TRIP4: variants seen among roughly 807,000 people sequenced by gnomAD.
TRIP4 encodes thyroid hormone receptor interactor 4, also known as activating signal cointegrator 1.
A neutral mutation model predicts 81.8 loss-of-function variants in TRIP4; 54 were observed. The observed-to-expected ratio is 0.66, with a 90% CI of 0.53 to 0.83. TRIP4 has a LOEUF of 0.83. Ranked by LOEUF, TRIP4 falls within the 40% of genes least tolerant of loss-of-function variation. The probability of loss-of-function intolerance (pLI) is 0.00; values close to 1 mark genes in which losing one functional copy is unlikely to be tolerated. For missense variants in TRIP4, 662 were observed against 683.6 expected, an observed-to-expected ratio of 0.97 and a Z score of 0.35; for synonymous variants, 270 against 242.8, an observed-to-expected ratio of 1.11 and a Z score of -1.04.
rs1429382393 is a variant in TRIP4 at position 64,393,998 on chromosome 15, C to T, written c.154C>T (p.Leu52Phe). Residue 52 changes from leucine (L) to phenylalanine (F), a missense_variant, in exon 2 of 13, where the codon CTC (leucine) becomes TTC (phenylalanine). Leu to Phe is a conservative substitution (Grantham distance 22, BLOSUM62 0). Transcript: ENST00000261884. ...AEEIREYVTD[L>F]LQGNEGKKGQ... ...AGAGATACGAGAATATGTTACTGAT[C>T]TCCTCCAGGGAAATGAAGGCAAAAA... 6.2e-7 allele frequency: 1 copy of T among 1,609,090 alleles called. No individual in the cohort carries two copies. The highest frequency in any genetic ancestry group is 8.5e-7 in the Non-Finnish European group (1 of 1,177,822).
intron 7 of TRIP4, among the ~76,000 whole-genome samples, chr15:64,411,769 TC>T (rs1288910942): frequency 1.3e-5 from 2 of 151,414 alleles, no homozygotes; most frequent in Admixed American, 6.6e-5. Context: ...AAGCTCCGCC[TC>T]CCAGATTCAC....
At chr15:64,443,640 G>A (rs1005417524) in intron 11 of TRIP4, among the ~76,000 whole-genome samples, 1 of 152,138 alleles carries the variant, frequency 6.6e-6, no homozygotes, top group African/African-American at 2.4e-5. Context: ...AAAGAAGAGG[G>A]TTTACCTTTG....
At chr15:64,391,970 CAAAAAAAAAAAAA>C (rs35193532) in intron 1 of TRIP4, among the ~76,000 whole-genome samples, 1 of 23,242 alleles carries the variant, frequency 4.3e-5, no homozygotes, top group South Asian at 2.1e-3. Flanking sequence ...GACTCTGTCT[CAAAAAAAAAAAAA>C]AAAAAAAAAA....
chr15:64,422,961 C>A (rs1892052512), intron 9 of TRIP4, among the ~76,000 whole-genome samples: 1 of 152,082 alleles, frequency 6.6e-6, no homozygotes, highest in South Asian at 2.1e-4. Context: ...ATTCATGACC[C>A]CATTTTCCAT....
At chr15:64,420,653 A>G (rs1371702984) in intron 9 of TRIP4, among the ~76,000 whole-genome samples, 1 of 151,630 alleles carries the variant, frequency 6.6e-6, no homozygotes, top group African/African-American at 2.4e-5. Flanking sequence ...CCTCCTGAGT[A>G]GCTGGGACTA....
chr15:64,434,157 TG>T (rs1309323992), intron 11 of TRIP4, among the ~76,000 whole-genome samples: 4 of 152,048 alleles, frequency 2.6e-5, no homozygotes, highest in African/African-American at 9.7e-5. Flanking sequence ...CCCAGCACTT[TG>T]GAAGGCCGAG....
chr15:64,415,627 TCTC>T (rs1566977497), intron 8 of TRIP4, among the ~76,000 whole-genome samples: 2 of 152,248 alleles, frequency 1.3e-5, no homozygotes, highest in Non-Finnish European at 2.9e-5. Flanking sequence ...CTGTGTGCTC[TCTC>T]CTCTTACAAG....
At chr15:64,411,144 G>T (rs148430438) in intron 7 of TRIP4, among the ~76,000 whole-genome samples, 1 of 152,232 alleles carries the variant, frequency 6.6e-6, no homozygotes, top group African/African-American at 2.4e-5. Context: ...TAGTTCCAGG[G>T]ATTAGAAGAG....
chr15:64,445,280 C>A, intron 12 of TRIP4, 172 bp downstream of exon 12: 1 of 405,304 alleles, frequency 2.5e-6, no homozygotes, highest in Non-Finnish European at 4.4e-6. Context: ...ATTTTCTTTT[C>A]TTTTCTTTTC....
chr15:64,410,502 A>C (rs1891738236), intron 7 of TRIP4, among the ~76,000 whole-genome samples: 1 of 152,228 alleles, frequency 6.6e-6, no homozygotes, highest in Non-Finnish European at 1.5e-5. Context: ...CTAAAGCAAT[A>C]ATTAAATATG....
At chr15:64,389,536 A>G (rs1291876278) in intron 1 of TRIP4, among the ~76,000 whole-genome samples, 1 of 152,156 alleles carries the variant, frequency 6.6e-6, no homozygotes, top group Non-Finnish European at 1.5e-5. Flanking sequence ...ACAAAACAAA[A>G]CAGCGAAATC....
At chr15:64,449,267 GT>G (rs1892699739) in intron 12 of TRIP4, among the ~76,000 whole-genome samples, 1 of 149,366 alleles carries the variant, frequency 6.7e-6, no homozygotes, top group Admixed American at 6.7e-5. Flanking sequence ...TGGCTTAAAT[GT>G]TTGTTTTTTT....
At chr15:64,436,085 A>G (rs1352103362) in intron 11 of TRIP4, among the ~76,000 whole-genome samples, 1 of 152,022 alleles carries the variant, frequency 6.6e-6, no homozygotes, top group African/African-American at 2.4e-5. Flanking sequence ...ACCTGAGGTC[A>G]GGAGTTCGAG....
intron 4 of TRIP4, among the ~76,000 whole-genome samples, chr15:64,398,846 A>T (rs1221686470): frequency 6.6e-6 from 1 of 152,096 alleles, no homozygotes. Flanking sequence ...TGGCTGTCAG[A>T]AGCAATGACA....
intron 7 of TRIP4, among the ~76,000 whole-genome samples, 196 bp downstream of exon 7, chr15:64,410,024 G>GTT (rs200868565): frequency 6.9e-4 from 93 of 133,852 alleles, no homozygotes; most frequent in Non-Finnish European, 9.9e-4. Context: ...TTGTGGTTTG[G>GTT]TTTTTTTTTT....
intron 11 of TRIP4, among the ~76,000 whole-genome samples, chr15:64,427,168 CACAA>C (rs962354184): frequency 1.2e-4 from 19 of 152,318 alleles, no homozygotes; most frequent in East Asian, 7.7e-4. Flanking sequence ...ATCCTTGAAG[CACAA>C]ACAGTCTTAC....
chr15:64,429,649 A>C (rs1381271517), intron 11 of TRIP4, among the ~76,000 whole-genome samples: 2 of 152,222 alleles, frequency 1.3e-5, no homozygotes, highest in Non-Finnish European at 2.9e-5. Context: ...ACCTATTTAC[A>C]TACTACAGAA....
chr15:64,447,870 C>G (rs995924982), intron 12 of TRIP4, among the ~76,000 whole-genome samples: 2 of 152,142 alleles, frequency 1.3e-5, no homozygotes, highest in African/African-American at 4.8e-5. Context: ...TGCCACCACG[C>G]CCAGATAATT....
chr15:64,437,104 G>A (rs1892419395), intron 11 of TRIP4, among the ~76,000 whole-genome samples: 1 of 151,928 alleles, frequency 6.6e-6, no homozygotes, highest in Non-Finnish European at 1.5e-5. Context: ...ACAATAAATA[G>A]AGAGGGAGAC....
Sources: allele counts gnomAD v4.1 joint callset (sites outside exome capture counted in the v4.1 genomes callset), GRCh38; gene constraint gnomAD v4.1.1; transcripts MANE v1.5; gene names NCBI Gene and HGNC (gene_info 2026-07-23, HGNC 2026-07-21).